MYO18B: variants seen among roughly 807,000 people sequenced by gnomAD.
MYO18B encodes the protein unconventional myosin-XVIIIb.
MYO18B carries 204 observed loss-of-function variants against 273.0 expected under a neutral mutation model. The observed-to-expected ratio is 0.75, with a 90% confidence interval of 0.67 to 0.84. MYO18B has a LOEUF of 0.84. MYO18B is among the 40% of genes least tolerant of loss of function. The probability of loss-of-function intolerance (pLI) is 0.00; values close to 1 mark genes in which losing one functional copy is unlikely to be tolerated. For synonymous variants in MYO18B, 1,330 were observed against 1,305.7 expected, an observed-to-expected ratio of 1.02 and a Z score of -0.40; for missense variants, 3,212 against 3,287.6, an observed-to-expected ratio of 0.98 and a Z score of 0.56.
Position 25,832,840 on chromosome 22 carries a change from C to CTTT in MYO18B, c.2980-74_2980-72dup, listed in dbSNP as rs1341509368. ...CAAGAGGTGATGGAAATCCTCTCCG[C>CTTT]TTTTTCCTTCTTCAGAAGTTTTCTT... is the stretch of plus-strand genomic sequence containing the variant. On this transcript the variant is annotated intron_variant, in intron 15 of 43. Transcript: ENST00000335473. The CTTT allele has an allele frequency of 4.9e-5, 66 of 1,357,988 alleles. No homozygotes were observed. In the Admixed American group the frequency reaches 1.0e-3, roughly 21 times the overall value. The allele number at this position is 1,357,988 out of a possible 1,614,324, so 84.1% of individuals were successfully genotyped here. A position where few individuals can be genotyped will look rare whatever the true frequency, so the allele number is the denominator to read the frequency against.
intron 29 of MYO18B, chr22:25,899,687 T>A (rs1339573383): frequency 6.6e-6 from 1 of 152,120 alleles, no homozygotes; most frequent in Non-Finnish European, 1.5e-5. Context: ...CCTTTCCACC[T>A]CCCTGTGGGT....
the MYO18B span, among the ~76,000 whole-genome samples, chr22:26,043,231 G>A: frequency 6.6e-6 from 1 of 151,950 alleles, no homozygotes; most frequent in Non-Finnish European, 1.5e-5. Context: ...AGATGAGTCA[G>A]TAGTTTGTTT....
chr22:25,835,658 T>C (rs1325529115), intron 17 of MYO18B, among the ~76,000 whole-genome samples: 2 of 152,244 alleles, frequency 1.3e-5, no homozygotes, highest in Non-Finnish European at 2.9e-5. Context: ...CATGTGTTAG[T>C]TAACCAGCCT....
chr22:25,961,412 G>A (rs748402289), intron 39 of MYO18B, among the ~76,000 whole-genome samples: 1 of 152,140 alleles, frequency 6.6e-6, no homozygotes, highest in Non-Finnish European at 1.5e-5. Context: ...AAAGACAGAT[G>A]TTGAGGACTG....
chr22:25,894,599 C>G (rs2091751683), intron 27 of MYO18B: 1 of 152,212 alleles, frequency 6.6e-6, no homozygotes, highest in African/African-American at 2.4e-5. Flanking sequence ...TTAGTAGAGT[C>G]TTGAATTATT....
At chr22:25,767,086 C>T (rs2086532129) in intron 3 of MYO18B, among the ~76,000 whole-genome samples, 1 of 152,146 alleles carries the variant, frequency 6.6e-6, no homozygotes, top group Non-Finnish European at 1.5e-5. Context: ...GATGGAAGAA[C>T]CCAGGCTAGG....
intron 5 of MYO18B, among the ~76,000 whole-genome samples, 194 bp downstream of exon 5, chr22:25,770,370 G>C (rs933442459): frequency 1.3e-5 from 2 of 152,190 alleles, no homozygotes; most frequent in Non-Finnish European, 2.9e-5. Flanking sequence ...AATGCAACAA[G>C]CATGCTTTCT....
chr22:25,862,248 T>C (rs1327126796), intron 21 of MYO18B, among the ~76,000 whole-genome samples: 1 of 152,200 alleles, frequency 6.6e-6, no homozygotes, highest in Non-Finnish European at 1.5e-5. Flanking sequence ...CAATTCTCCA[T>C]GGATACTGAG....
intron 40 of MYO18B, among the ~76,000 whole-genome samples, chr22:26,001,234 A>G (rs930269862): frequency 1.3e-5 from 2 of 152,220 alleles, no homozygotes; most frequent in Admixed American, 1.3e-4. Context: ...AAGCATTGAG[A>G]TTAGCTATTG....
intron 23 of MYO18B, among the ~76,000 whole-genome samples, chr22:25,874,703 A>T (rs2091143930): frequency 6.6e-6 from 1 of 152,200 alleles, no homozygotes; most frequent in Non-Finnish European, 1.5e-5. Context: ...TTCACAGGTC[A>T]GCAGACAGGG....
chr22:25,961,233 A>G (rs533304886), intron 39 of MYO18B, among the ~76,000 whole-genome samples: 14 of 151,880 alleles, frequency 9.2e-5, no homozygotes, highest in Middle Eastern at 3.4e-3. Context: ...AAAAAAAAAA[A>G]AAAGAAAGAA....
chr22:26,007,125 A>AG (rs1555990260), intron 42 of MYO18B, among the ~76,000 whole-genome samples: 1 of 151,992 alleles, frequency 6.6e-6, no homozygotes, highest in African/African-American at 2.4e-5. Context: ...AAGAACAGGG[A>AG]GGGGGCAGGA....
At chr22:25,755,260 G>T (rs978779779) in intron 1 of MYO18B, among the ~76,000 whole-genome samples, 2 of 152,004 alleles carry the variant, frequency 1.3e-5, no homozygotes, top group Non-Finnish European at 2.9e-5. Context: ...AGGCTGGAGT[G>T]CAATGGCTCG....
At chr22:26,010,631 C>G (rs1178253053) in intron 42 of MYO18B, among the ~76,000 whole-genome samples, 2 of 152,082 alleles carry the variant, frequency 1.3e-5, no homozygotes, top group Non-Finnish European at 1.5e-5. Context: ...GGCCTGCCAC[C>G]AAGTTGGTGT....
At chr22:25,859,223 AT>A (rs1217623221) in intron 21 of MYO18B, among the ~76,000 whole-genome samples, 4 of 152,222 alleles carry the variant, frequency 2.6e-5, no homozygotes, top group Admixed American at 6.5e-5. Flanking sequence ...AAGATAAAAT[AT>A]TTTTTGATTA....
chr22:25,910,902 G>A (rs2092144149), intron 32 of MYO18B, 44 bp from the exon 33 acceptor site: 1 of 1,455,870 alleles, frequency 6.9e-7, no homozygotes, highest in South Asian at 1.2e-5. Context: ...GTGTCTGGAT[G>A]GAGTTCATTT....
chr22:25,976,087 T>G (rs1033809793), intron 39 of MYO18B, among the ~76,000 whole-genome samples: 1 of 152,134 alleles, frequency 6.6e-6, no homozygotes, highest in Non-Finnish European at 1.5e-5. Flanking sequence ...CTGGAGACAT[T>G]TTTGGCTGGC....
chr22:25,926,623 G>A (rs59522891), intron 34 of MYO18B, among the ~76,000 whole-genome samples: 2,944 of 152,240 alleles, frequency 0.019, 96 homozygotes, highest in African/African-American at 0.065. Flanking sequence ...AGGACATGTA[G>A]GAGGGAATGT....
chr22:25,802,767 A>AC (rs71191080), intron 12 of MYO18B, among the ~76,000 whole-genome samples: 112,540 of 134,860 alleles, frequency 0.83, 48,780 homozygotes, highest in Non-Finnish European at 0.94. Flanking sequence ...AAAAAAAAAA[A>AC]AAAAAAAAAC....
Sources: gnomAD v4.1 joint callset for allele counts (sites outside exome capture counted in the v4.1 genomes callset) on GRCh38, gnomAD v4.1.1 for gene constraint, MANE v1.5 for transcripts, NCBI Gene and HGNC (gene_info 2026-07-23, HGNC 2026-07-21) for gene names.